RBMS3: variants seen among roughly 807,000 people sequenced by gnomAD.
RBMS3 encodes the protein RNA-binding motif, single-stranded-interacting protein 3.
RBMS3 carries 27 observed loss-of-function variants against 66.8 expected under a neutral mutation model. The observed-to-expected ratio is 0.40, with a 90% CI of 0.30 to 0.56. The LOEUF (loss-of-function observed/expected upper bound fraction) is 0.56, where lower values mean the gene tolerates loss of function less well. Ranked by LOEUF, RBMS3 falls within the 20% of genes least tolerant of loss-of-function variation. The pLI is 0.40. For synonymous variants in RBMS3, 188 were observed against 183.0 expected (o/e 1.03, Z -0.22); for missense variants, 513 against 549.5 (o/e 0.93, Z 0.66).
At chr3:29,838,392 A>G (rs2058581425) in intron 6 of RBMS3, among the ~76,000 whole-genome samples, 1 of 152,040 alleles carries the variant, frequency 6.6e-6, no homozygotes, top group African/African-American at 2.4e-5. Flanking sequence ...AAATATATTC[A>G]TTATTCATTC....
chr3:29,962,241 A>G (rs1415495376), intron 12 of RBMS3, among the ~76,000 whole-genome samples: 1 of 151,498 alleles, frequency 6.6e-6, no homozygotes, highest in Non-Finnish European at 1.5e-5. Flanking sequence ...CCAGTACAAT[A>G]AAAACTATCA....
intron 6 of RBMS3, among the ~76,000 whole-genome samples, chr3:29,859,968 T>A (rs1354793449): frequency 6.6e-6 from 1 of 152,134 alleles, no homozygotes; most frequent in Non-Finnish European, 1.5e-5. Context: ...GAAAAGAAAG[T>A]GGACGTTTCC....
At chr3:29,305,989 T>C (rs1271401668) in intron 1 of RBMS3, among the ~76,000 whole-genome samples, 1 of 151,988 alleles carries the variant, frequency 6.6e-6, no homozygotes, top group Non-Finnish European at 1.5e-5. Flanking sequence ...GAGCATTCGT[T>C]ACTTGTTCTA....
chr3:29,645,718 A>G (rs754729452), intron 4 of RBMS3, among the ~76,000 whole-genome samples: 4 of 152,176 alleles, frequency 2.6e-5, no homozygotes, highest in Non-Finnish European at 5.9e-5. Flanking sequence ...GGTTTGTGCT[A>G]ATTTTTTCCT....
intron 12 of RBMS3, among the ~76,000 whole-genome samples, chr3:29,957,867 T>A (rs548088429): frequency 3.3e-5 from 5 of 152,330 alleles, no homozygotes; most frequent in African/African-American, 1.2e-4. Context: ...GCTTTATTTT[T>A]ATTTTTTTAA....
At chr3:29,662,549 A>G (rs1334302468) in intron 4 of RBMS3, among the ~76,000 whole-genome samples, 1 of 152,216 alleles carries the variant, frequency 6.6e-6, no homozygotes, top group Admixed American at 6.5e-5. Flanking sequence ...GACAGAGCCA[A>G]CCTGTTAACA....
intron 7 of RBMS3, among the ~76,000 whole-genome samples, chr3:29,881,613 A>T (rs2059738589): frequency 6.6e-6 from 1 of 152,108 alleles, no homozygotes; most frequent in African/African-American, 2.4e-5. Flanking sequence ...GAAAGATAGG[A>T]TGGGGGTTTA....
At chr3:29,379,762 A>G (rs113899260) in intron 1 of RBMS3, among the ~76,000 whole-genome samples, 157 of 152,346 alleles carry the variant, frequency 1.0e-3, no homozygotes, top group African/African-American at 3.6e-3. Flanking sequence ...ACTATATACC[A>G]GGTATCAAGC....
intron 1 of RBMS3, among the ~76,000 whole-genome samples, chr3:29,357,209 C>G (rs568950135): frequency 5.3e-5 from 8 of 152,186 alleles, no homozygotes; most frequent in African/African-American, 1.9e-4. Flanking sequence ...GCCCCCAACC[C>G]CACAACAGGC....
intron 8 of RBMS3, among the ~76,000 whole-genome samples, chr3:29,896,417 C>G (rs1293974315): frequency 1.3e-5 from 2 of 151,274 alleles, no homozygotes; most frequent in African/African-American, 4.8e-5. Flanking sequence ...TCCAATAAAG[C>G]AAAAGAATTA....
At chr3:29,651,855 A>G (rs889355366) in intron 4 of RBMS3, among the ~76,000 whole-genome samples, 2 of 152,190 alleles carry the variant, frequency 1.3e-5, no homozygotes, top group African/African-American at 2.4e-5. Flanking sequence ...CATGCATCAT[A>G]TAATTTTAAA....
intron 6 of RBMS3, among the ~76,000 whole-genome samples, chr3:29,823,263 A>G (rs2058119769): frequency 6.6e-6 from 1 of 152,154 alleles, no homozygotes; most frequent in South Asian, 2.1e-4. Context: ...GATAACCACT[A>G]TCTTGACTTT....
At chr3:29,776,647 A>G (rs2056437455) in intron 6 of RBMS3, among the ~76,000 whole-genome samples, 2 of 152,034 alleles carry the variant, frequency 1.3e-5, no homozygotes, top group Non-Finnish European at 2.9e-5. Context: ...TAGTAGCATT[A>G]TTAGTGGCAT....
intron 10 of RBMS3, among the ~76,000 whole-genome samples, chr3:29,915,808 A>T (rs757524352): frequency 3.3e-5 from 5 of 152,004 alleles, no homozygotes; most frequent in Admixed American, 6.6e-5. Context: ...TCACTTTTTC[A>T]CTTTTGTAAT....
chr3:29,662,994 T>C (rs1239630092), intron 4 of RBMS3, among the ~76,000 whole-genome samples: 2 of 152,220 alleles, frequency 1.3e-5, no homozygotes, highest in Non-Finnish European at 2.9e-5. Flanking sequence ...AGTAGAATCC[T>C]TGGAGGCAGA....
chr3:29,990,806 T>C (rs1375514727), intron 13 of RBMS3, among the ~76,000 whole-genome samples: 5 of 152,178 alleles, frequency 3.3e-5, no homozygotes, highest in African/African-American at 1.2e-4. Context: ...TGTGCAAACC[T>C]GGTTTAAAAG....
At chr3:29,739,586 GC>G in intron 4 of RBMS3, 133 bp from the exon 5 acceptor site, 1 of 655,734 alleles carries the variant, frequency 1.5e-6, no homozygotes, top group East Asian at 2.9e-5. Context: ...AAGAAGTAAT[GC>G]CCCTAGTGAA....
chr3:29,974,750 A>G (rs921684941), intron 12 of RBMS3, among the ~76,000 whole-genome samples: 3 of 149,346 alleles, frequency 2.0e-5, no homozygotes, highest in African/African-American at 7.3e-5. Context: ...ACCCATCCAT[A>G]TTTATAGAGC....
intron 3 of RBMS3, among the ~76,000 whole-genome samples, chr3:29,572,796 A>G (rs1420583192): frequency 6.6e-6 from 1 of 152,142 alleles, no homozygotes; most frequent in African/African-American, 2.4e-5. Flanking sequence ...ATGAATTTGA[A>G]ATTATTTCCT....
Sources: allele counts gnomAD v4.1 joint callset (sites outside exome capture counted in the v4.1 genomes callset), GRCh38; gene constraint gnomAD v4.1.1; transcripts MANE v1.5; gene names NCBI Gene and HGNC (gene_info 2026-07-23, HGNC 2026-07-21).